The following NELL1 variants were observed in gnomAD, a reference collection of about 807,000 sequenced individuals.
The protein encoded by NELL1 is neural EGFL like 1, also known as protein kinase C-binding protein NELL1.
Under a neutral mutation model 107.4 loss-of-function variants are expected in NELL1, and 76 were observed. The observed-to-expected ratio is 0.71, with a 90% CI of 0.59 to 0.86. The LOEUF (loss-of-function observed/expected upper bound fraction) is 0.86. Among genes scored for constraint, NELL1 ranks in the 40% least tolerant of loss-of-function variants. NELL1 has a pLI of 0.00. For missense variants in NELL1, 1,024 were observed against 1,005.5 expected, an observed-to-expected ratio of 1.02 and a Z score of -0.25; for synonymous variants, 353 against 341.2, an observed-to-expected ratio of 1.03 and a Z score of -0.38.
intron 12 of NELL1, among the ~76,000 whole-genome samples, chr11:20,981,050 A>G (rs555987507): frequency 6.6e-6 from 1 of 152,340 alleles, no homozygotes; most frequent in Admixed American, 6.5e-5. Flanking sequence ...TAGTCATATA[A>G]CATGAGTTAA....
chr11:21,498,184 A>C (rs1287056032), intron 15 of NELL1, among the ~76,000 whole-genome samples: 2 of 151,660 alleles, frequency 1.3e-5, no homozygotes, highest in Non-Finnish European at 2.9e-5. Context: ...TGTAGATTTG[A>C]ATAAAATCTA....
intron 2 of NELL1, among the ~76,000 whole-genome samples, chr11:20,731,058 G>T (rs528234513): frequency 9.6e-5 from 14 of 146,438 alleles, no homozygotes; most frequent in Middle Eastern, 3.4e-3. Flanking sequence ...CCAGTGGAGA[G>T]TTAATCGGTA....
intron 3 of NELL1, among the ~76,000 whole-genome samples, chr11:20,809,013 T>C (rs113063371): frequency 0.015 from 2,349 of 152,250 alleles, 73 homozygotes; most frequent in African/African-American, 0.053. Flanking sequence ...TGTGTGTAGA[T>C]AGCTATTAAA....
chr11:21,272,998 C>T (rs966105660), intron 14 of NELL1, among the ~76,000 whole-genome samples: 1 of 152,190 alleles, frequency 6.6e-6, no homozygotes. Flanking sequence ...TAGAGCACCT[C>T]TTCTCCTCCA....
chr11:20,915,717 A>ATATATATATATATATATTTTTTTTTTTTT, intron 5 of NELL1, among the ~76,000 whole-genome samples: 2 of 58,218 alleles, frequency 3.4e-5, no homozygotes, highest in African/African-American at 1.8e-4. Flanking sequence ...ATATATATAT[A>ATATATATATATATATATTTTTTTTTTTTT]TTTTTTTTTT....
intron 15 of NELL1, among the ~76,000 whole-genome samples, chr11:21,421,272 A>G (rs1467882157): frequency 6.6e-6 from 1 of 152,116 alleles, no homozygotes; most frequent in Non-Finnish European, 1.5e-5. Context: ...TGACGTAACT[A>G]TTTTGAAACT....
At chr11:21,158,392 G>C (rs1239676125) in intron 13 of NELL1, among the ~76,000 whole-genome samples, 1 of 152,178 alleles carries the variant, frequency 6.6e-6, no homozygotes, top group African/African-American at 2.4e-5. Flanking sequence ...TGTCTCTCTA[G>C]AGAACCGTAA....
chr11:21,211,356 A>G (rs1306412850), intron 13 of NELL1, among the ~76,000 whole-genome samples: 1 of 152,144 alleles, frequency 6.6e-6, no homozygotes, highest in Non-Finnish European at 1.5e-5. Context: ...AGACAAAGCC[A>G]TTGTGCTTGC....
At chr11:20,767,439 C>G (rs188926824) in intron 2 of NELL1, among the ~76,000 whole-genome samples, 1 of 152,148 alleles carries the variant, frequency 6.6e-6, no homozygotes, top group African/African-American at 2.4e-5. Flanking sequence ...TAGCTAGACA[C>G]GGAGCACTGA....
chr11:21,021,832 A>G (rs927839648), intron 12 of NELL1, among the ~76,000 whole-genome samples: 46 of 152,140 alleles, frequency 3.0e-4, no homozygotes, highest in African/African-American at 1.0e-3. Context: ...TGTGAGAAGC[A>G]AATTGAACTT....
At chr11:21,555,413 G>C (rs566408182) in intron 16 of NELL1, among the ~76,000 whole-genome samples, 1 of 151,834 alleles carries the variant, frequency 6.6e-6, no homozygotes, top group Non-Finnish European at 1.5e-5. Flanking sequence ...CACACATTCA[G>C]GAGAGAATGA....
chr11:20,695,280 T>C (rs1854585186), intron 2 of NELL1, among the ~76,000 whole-genome samples: 1 of 152,090 alleles, frequency 6.6e-6, no homozygotes, highest in Non-Finnish European at 1.5e-5. Flanking sequence ...TTGGATGCCT[T>C]TAATGTCTTC....
At position 20,783,044 on chromosome 11, in the gene NELL1, C is replaced by G. The variant is rs552120528; in HGVS notation, c.185-636C>G. 2.0e-5 allele frequency among the ~76,000 whole-genome samples: 3 copies of G among 152,270 alleles called. No individual in the cohort carries two copies. In the South Asian group the frequency reaches 6.2e-4, roughly 32 times the overall value. Reference sequence around the variant, plus strand: ...TCCATTGCATGCTTATGGAGAAATTCCAGGCACGGGTGTGGAGCATGAGCA... The same window carrying G: ...TCCATTGCATGCTTATGGAGAAATTGCAGGCACGGGTGTGGAGCATGAGCA... On this transcript the variant is annotated intron_variant, in intron 2 of 19. Transcript: ENST00000357134.
At chr11:21,190,085 G>A (rs1170474131) in intron 13 of NELL1, among the ~76,000 whole-genome samples, 1 of 151,780 alleles carries the variant, frequency 6.6e-6, no homozygotes, top group Non-Finnish European at 1.5e-5. Flanking sequence ...GGGTGCGGTG[G>A]CTCATGCCTG....
chr11:20,718,681 A>T (rs1291320607), intron 2 of NELL1, among the ~76,000 whole-genome samples: 1 of 152,016 alleles, frequency 6.6e-6, no homozygotes, highest in East Asian at 1.9e-4. Context: ...TTCAGACTGG[A>T]TTTCTGTGCA....
At chr11:20,903,999 C>T (rs1421742708) in intron 5 of NELL1, among the ~76,000 whole-genome samples, 1 of 152,102 alleles carries the variant, frequency 6.6e-6, no homozygotes, top group Non-Finnish European at 1.5e-5. Context: ...TGTAGGACAA[C>T]AGTCTCTGGT....
At chr11:21,267,982 T>C (rs1466512248) in intron 14 of NELL1, among the ~76,000 whole-genome samples, 1 of 151,872 alleles carries the variant, frequency 6.6e-6, no homozygotes, top group Non-Finnish European at 1.5e-5. Context: ...AGACAGCATA[T>C]AGTTAGGTCT....
intron 15 of NELL1, among the ~76,000 whole-genome samples, chr11:21,417,789 A>G (rs1852553807): frequency 6.6e-6 from 1 of 152,006 alleles, no homozygotes; most frequent in South Asian, 2.1e-4. Context: ...TCCCACTTCT[A>G]AGGTGGGTCC....
intron 15 of NELL1, among the ~76,000 whole-genome samples, chr11:21,421,914 CAT>C (rs1852683050): frequency 6.6e-6 from 1 of 152,152 alleles, no homozygotes; most frequent in African/African-American, 2.4e-5. Flanking sequence ...TGACTCATCA[CAT>C]GTGAGGAATC....
Sources: gnomAD v4.1 joint callset for allele counts (sites outside exome capture counted in the v4.1 genomes callset) on GRCh38, gnomAD v4.1.1 for gene constraint, MANE v1.5 for transcripts, NCBI Gene and HGNC (gene_info 2026-07-23, HGNC 2026-07-21) for gene names.